Variants in HMBOX1 observed in about 807,000 individuals in gnomAD.
HMBOX1 encodes the protein homeobox-containing protein 1.
In HMBOX1, 14 loss-of-function variants were observed where a neutral mutation model predicts 54.5. The ratio of observed to expected loss-of-function variants is 0.26; its 90% CI spans 0.17 to 0.40. The LOEUF (loss-of-function observed/expected upper bound fraction) is 0.40, where lower values mean the gene tolerates loss of function less well. Among genes scored for constraint, HMBOX1 ranks in the 10% least tolerant of loss-of-function variants. The probability of loss-of-function intolerance (pLI) is 1.00; values close to 1 mark genes in which losing one functional copy is unlikely to be tolerated. For missense variants in HMBOX1, 332 were observed against 514.4 expected (o/e 0.65, Z 3.43); for synonymous variants, 160 against 181.0 (o/e 0.88, Z 0.93).
chr8:28,991,108 C>T (rs1218014396), intron 4 of HMBOX1, among the ~76,000 whole-genome samples: 3 of 151,920 alleles, frequency 2.0e-5, no homozygotes, highest in African/African-American at 7.3e-5. Context: ...GCAAATGTGC[C>T]TTTTTTTTAT....
chr8:28,967,115 A>G (rs1826563407), intron 2 of HMBOX1, among the ~76,000 whole-genome samples: 1 of 152,188 alleles, frequency 6.6e-6, no homozygotes, highest in African/African-American at 2.4e-5. Flanking sequence ...CTGCAACTGA[A>G]CACAGTTATG....
At chr8:28,977,062 A>C (rs571707089) in intron 3 of HMBOX1, among the ~76,000 whole-genome samples, 21 of 152,248 alleles carry the variant, frequency 1.4e-4, no homozygotes, top group African/African-American at 5.1e-4. Flanking sequence ...AATATCTAAA[A>C]ATGTGAATTG....
intron 1 of HMBOX1, among the ~76,000 whole-genome samples, chr8:28,920,486 G>C (rs1450658383): frequency 6.6e-6 from 1 of 152,168 alleles, no homozygotes; most frequent in Non-Finnish European, 1.5e-5. Flanking sequence ...GATATTATAT[G>C]ATTAGATTAT....
chr8:28,928,147 A>AACT (rs1267196788), intron 1 of HMBOX1, among the ~76,000 whole-genome samples: 5 of 151,858 alleles, frequency 3.3e-5, no homozygotes, highest in African/African-American at 4.8e-5. Flanking sequence ...AAAAAAAAAG[A>AACT]ACTACTACTA....
chr8:28,932,396 T>C (rs1237176677), intron 1 of HMBOX1, among the ~76,000 whole-genome samples: 5 of 152,264 alleles, frequency 3.3e-5, no homozygotes, highest in African/African-American at 1.2e-4. Flanking sequence ...GGCTTGTAAA[T>C]TCTGCTTTCT....
Position 29,051,368 on chromosome 8 carries a change from C to A in HMBOX1, c.*213C>A. On this transcript the variant is annotated 3_prime_UTR_variant, in exon 10 of 10. Coordinates refer to ENST00000287701, the MANE Select transcript of HMBOX1 (RefSeq NM_001135726.3). The stretch of plus-strand genomic sequence containing the variant: ...CTCCCAGTAAATAATAACCAACCAA[C>A]CAACCAAACTTCCCTCTCCCAGCCC... The A allele has an allele frequency of 1.6e-6, 1 of 639,112 alleles. No homozygotes were observed. 39.6% of individuals were successfully genotyped at this position (639,112 alleles called of 1,614,324 possible). A position where few individuals can be genotyped will look rare whatever the true frequency, so the allele number is the denominator to read the frequency against.
intron 1 of HMBOX1, among the ~76,000 whole-genome samples, chr8:28,962,812 T>G (rs1386504933): frequency 6.6e-6 from 1 of 152,150 alleles, no homozygotes; most frequent in Non-Finnish European, 1.5e-5. Flanking sequence ...GTCTTTTTTT[T>G]TGTATTATAT....
intron 1 of HMBOX1, among the ~76,000 whole-genome samples, chr8:28,903,572 C>T (rs1241297121): frequency 6.6e-6 from 1 of 152,116 alleles, no homozygotes; most frequent in Non-Finnish European, 1.5e-5. Context: ...GTCTTGATCT[C>T]AGCAAAAGAT....
chr8:28,918,437 T>C (rs1156805121), intron 1 of HMBOX1, among the ~76,000 whole-genome samples: 1 of 151,594 alleles, frequency 6.6e-6, no homozygotes, highest in African/African-American at 2.4e-5. Context: ...TCTCCTGACC[T>C]TGTGATCCGC....
At chr8:29,046,018 C>T (rs567790896) in intron 7 of HMBOX1, among the ~76,000 whole-genome samples, 1 of 152,292 alleles carries the variant, frequency 6.6e-6, no homozygotes, top group Admixed American at 6.5e-5. Flanking sequence ...TATTTTCTTC[C>T]TTGTGCTAAA....
chr8:28,995,155 A>G (rs926625717), intron 4 of HMBOX1, among the ~76,000 whole-genome samples: 2 of 152,174 alleles, frequency 1.3e-5, no homozygotes, highest in Non-Finnish European at 2.9e-5. Flanking sequence ...CATCAGCAGT[A>G]ATTTCCAGTC....
At chr8:28,961,932 T>TC (rs1563476130) in intron 1 of HMBOX1, among the ~76,000 whole-genome samples, 5 of 149,558 alleles carry the variant, frequency 3.3e-5, no homozygotes, top group Admixed American at 1.3e-4. Flanking sequence ...TTTTTTTTTT[T>TC]TGAGACAGGG....
chr8:28,969,234 G>A (rs1826975349), intron 2 of HMBOX1, among the ~76,000 whole-genome samples: 1 of 152,124 alleles, frequency 6.6e-6, no homozygotes, highest in East Asian at 1.9e-4. Context: ...TATAGTATTT[G>A]ACTACTCCCT....
chr8:28,978,622 A>G (rs1487214329), intron 3 of HMBOX1, among the ~76,000 whole-genome samples: 5 of 152,110 alleles, frequency 3.3e-5, no homozygotes, highest in East Asian at 1.9e-4. Context: ...CCCCGACTCT[A>G]CTAAAAATGC....
At chr8:28,913,758 A>G (rs922979242) in intron 1 of HMBOX1, among the ~76,000 whole-genome samples, 19 of 148,878 alleles carry the variant, frequency 1.3e-4, no homozygotes, top group African/African-American at 4.2e-4. Context: ...ATTTTTATTT[A>G]TTTATCTATT....
chr8:28,893,808 T>C (rs549369002), intron 1 of HMBOX1, among the ~76,000 whole-genome samples: 1 of 152,360 alleles, frequency 6.6e-6, no homozygotes, highest in South Asian at 2.1e-4. Flanking sequence ...AGGCTTAATT[T>C]GTGTATTTTG....
Position 28,983,129 on chromosome 8 carries a change from A to G in HMBOX1, c.586+2973A>G, listed in dbSNP as rs111929260. 2.8e-3 allele frequency among the ~76,000 whole-genome samples: 427 copies of G among 152,318 alleles called. 4 individuals carry two copies. Among genetic ancestry groups the G allele is most frequent in the African/African-American group, 9.4e-3 (392 of 41,560 alleles). On this transcript the variant is annotated intron_variant, in intron 4 of 9. Transcript: ENST00000287701. ...CATATCTATGGGATTTGGTATTGTTACAAACTTCTTTCACCATTTTCAGCC... is the reference window on the plus strand; with the variant it reads ...CATATCTATGGGATTTGGTATTGTTGCAAACTTCTTTCACCATTTTCAGCC...
chr8:28,969,176 A>AAACAAC (rs369802182), intron 2 of HMBOX1, among the ~76,000 whole-genome samples: 4 of 152,016 alleles, frequency 2.6e-5, no homozygotes, highest in Admixed American at 6.6e-5. Flanking sequence ...TCTGTATCCA[A>AAACAAC]AACAACAACA....
intron 4 of HMBOX1, among the ~76,000 whole-genome samples, chr8:29,007,709 T>G (rs534949644): frequency 1.5e-4 from 23 of 152,150 alleles, no homozygotes; most frequent in African/African-American, 5.3e-4. Context: ...GGCTTATGCC[T>G]GTAATCCTAG....
Sources: allele counts gnomAD v4.1 joint callset (sites outside exome capture counted in the v4.1 genomes callset), GRCh38; gene constraint gnomAD v4.1.1; transcripts MANE v1.5; gene names NCBI Gene and HGNC (gene_info 2026-07-23, HGNC 2026-07-21).